The following C1QTNF7 variants were observed in gnomAD, a reference collection of about 807,000 sequenced individuals.
The protein encoded by C1QTNF7 is C1q and TNF related 7.
A neutral mutation model predicts 19.6 loss-of-function variants in C1QTNF7; 15 were observed. That is an observed-to-expected ratio of 0.76 (90% CI 0.51 to 1.18). C1QTNF7 has a LOEUF of 1.18. C1QTNF7 is among the 50% of genes most tolerant of loss of function. The pLI, the probability that C1QTNF7 is intolerant of heterozygous loss-of-function variation, is 0.00. For missense variants in C1QTNF7, 324 were observed against 359.7 expected, an observed-to-expected ratio of 0.90 and a Z score of 0.80; for synonymous variants, 142 against 137.5, an observed-to-expected ratio of 1.03 and a Z score of -0.23.
intron 1 of C1QTNF7, among the ~76,000 whole-genome samples, chr4:15,359,664 G>A (rs1048196659): frequency 3.9e-5 from 6 of 152,064 alleles, no homozygotes; most frequent in Admixed American, 3.9e-4. Flanking sequence ...TAAGAAATAG[G>A]ACTACGAGAT....
At chr4:15,347,288 C>T (rs1716754576) in intron 1 of C1QTNF7, among the ~76,000 whole-genome samples, 1 of 152,196 alleles carries the variant, frequency 6.6e-6, no homozygotes, top group African/African-American at 2.4e-5. Flanking sequence ...CCGCTCCTTC[C>T]ATTAATATAC....
intron 1 of C1QTNF7, among the ~76,000 whole-genome samples, chr4:15,372,166 C>T (rs574546642): frequency 1.3e-5 from 2 of 152,170 alleles, no homozygotes; most frequent in East Asian, 3.8e-4. Context: ...TTCCCGCAGG[C>T]TTGCTATGGA....
chr4:15,420,826 C>CTTTTTTTTTTTTTTTTTTT (rs61609914), intron 1 of C1QTNF7, among the ~76,000 whole-genome samples: 1 of 66,242 alleles, frequency 1.5e-5, no homozygotes. Flanking sequence ...ACTGCTTTGT[C>CTTTTTTTTTTTTTTTTTTT]TTTTTTTTTT....
At chr4:15,380,083 A>G (rs1244329186) in intron 1 of C1QTNF7, among the ~76,000 whole-genome samples, 1 of 152,230 alleles carries the variant, frequency 6.6e-6, no homozygotes, top group Non-Finnish European at 1.5e-5. Flanking sequence ...CAAAATGAAT[A>G]TCTTTCCAAT....
In C1QTNF7 at chr4:15,421,438, T is replaced by A. The variant is rs577648637; in HGVS notation, c.14-14298T>A. Among the ~76,000 whole-genome samples, 12 of 152,258 alleles carry A rather than the reference T, an allele frequency of 7.9e-5. No individual in the cohort carries two copies. The South Asian group carries it at 2.5e-3, about 32-fold the overall frequency. On this transcript the variant is annotated intron_variant, in intron 1 of 2. Coordinates refer to the C1QTNF7 transcript ENST00000295297. ...GTCAATGGCACTTACCAAAGAACAG[T>A]AGCCAAAGGTCAATGGTAAGAGCAG...
At chr4:15,375,173 T>C (rs1383691271) in intron 1 of C1QTNF7, among the ~76,000 whole-genome samples, 2 of 151,996 alleles carry the variant, frequency 1.3e-5, no homozygotes, top group Admixed American at 1.3e-4. Flanking sequence ...ATAATTCACA[T>C]TGAAGGTGCT....
chr4:15,372,487 T>C (rs968306845), intron 1 of C1QTNF7, among the ~76,000 whole-genome samples: 1 of 152,226 alleles, frequency 6.6e-6, no homozygotes, highest in African/African-American at 2.4e-5. Context: ...CTGTTGTTTA[T>C]GCCACCCAGT....
At chr4:15,348,288 T>G (rs1353974900) in intron 1 of C1QTNF7, among the ~76,000 whole-genome samples, 1 of 152,176 alleles carries the variant, frequency 6.6e-6, no homozygotes, top group East Asian at 1.9e-4. Context: ...TCAGTGGAGA[T>G]GAAAGTATTT....
At chr4:15,426,121 G>A (rs1712035748), upstream of C1QTNF7, among the ~76,000 whole-genome samples, 1 of 152,166 alleles carries the variant, frequency 6.6e-6, no homozygotes, top group Non-Finnish European at 1.5e-5. Flanking sequence ...AATGAATTCA[G>A]TTGAAAAGTA....
Position 15,445,166 on chromosome 4 carries a change from T to A in C1QTNF7, c.*2367T>A, listed in dbSNP as rs150637620. The A allele has an allele frequency of 6.6e-6, 1 of 152,254 alleles. No individual in the cohort carries two copies. The highest frequency in any genetic ancestry group is 6.5e-5 in the Admixed American group (1 of 15,296). 9.4% of individuals were successfully genotyped at this position (152,254 alleles called of 1,614,324 possible). A position where few individuals can be genotyped will look rare whatever the true frequency, so the allele number is the denominator to read the frequency against. On this transcript the variant is annotated 3_prime_UTR_variant, in exon 3 of 3. Transcript: ENST00000444304. ...CATGTGTACAGGAGACCAAGAACAA[T>A]GAGTATTAGAAAAAAAGGAGACAGC...
chr4:15,356,288 C>T (rs1041823877), intron 1 of C1QTNF7, among the ~76,000 whole-genome samples: 1 of 152,030 alleles, frequency 6.6e-6, no homozygotes, highest in Non-Finnish European at 1.5e-5. Context: ...GTGTGATATT[C>T]CCCTCGTGTG....
chr4:15,440,154 C>A (rs1185182857), intron 2 of C1QTNF7, among the ~76,000 whole-genome samples: 1 of 152,046 alleles, frequency 6.6e-6, no homozygotes, highest in East Asian at 1.9e-4. Flanking sequence ...TTTAGACACA[C>A]AGAAAATGTT....
At chr4:15,423,270 G>C (rs1273904847), upstream of C1QTNF7, among the ~76,000 whole-genome samples, 2 of 152,210 alleles carry the variant, frequency 1.3e-5, no homozygotes, top group Non-Finnish European at 2.9e-5. Context: ...CTAACAGTGT[G>C]AAATTCCCAG....
chr4:15,379,328 T>C (rs887362569), intron 1 of C1QTNF7, among the ~76,000 whole-genome samples: 3 of 152,170 alleles, frequency 2.0e-5, no homozygotes, highest in Non-Finnish European at 4.4e-5. Flanking sequence ...CAGAGAATAG[T>C]GGTAAGTTGT....
intron 1 of C1QTNF7, among the ~76,000 whole-genome samples, chr4:15,417,141 CT>C (rs1306423605): frequency 6.6e-6 from 1 of 152,136 alleles, no homozygotes; most frequent in African/African-American, 2.4e-5. Context: ...CCCATGTATA[CT>C]TTTAAAATTT....
chr4:15,381,355 T>C (rs1718135491), intron 1 of C1QTNF7, among the ~76,000 whole-genome samples: 1 of 150,818 alleles, frequency 6.6e-6, no homozygotes, highest in African/African-American at 2.4e-5. Context: ...AGGCAGAGCT[T>C]GCTGTGAGCA....
chr4:15,355,319 C>A (rs1717095471), intron 1 of C1QTNF7, among the ~76,000 whole-genome samples: 1 of 152,078 alleles, frequency 6.6e-6, no homozygotes, highest in Admixed American at 6.6e-5. Flanking sequence ...CAGCTACTGC[C>A]CCCTCATCTG....
intron 1 of C1QTNF7, among the ~76,000 whole-genome samples, chr4:15,388,956 A>G (rs1424462100): frequency 1.3e-4 from 20 of 152,228 alleles, no homozygotes; most frequent in Admixed American, 1.3e-3. Context: ...GGTCACCCAT[A>G]TCACCTCCAG....
At chr4:15,412,664 T>G (rs909959831) in intron 1 of C1QTNF7, among the ~76,000 whole-genome samples, 3 of 152,182 alleles carry the variant, frequency 2.0e-5, no homozygotes, top group African/African-American at 7.2e-5. Context: ...GTAAACACAC[T>G]CACAGGTGCT....
Sources: allele counts gnomAD v4.1 joint callset (sites outside exome capture counted in the v4.1 genomes callset), GRCh38; gene constraint gnomAD v4.1.1; transcripts MANE v1.5; gene names NCBI Gene and HGNC (gene_info 2026-07-23, HGNC 2026-07-21).